UVRAG: variants seen among roughly 807,000 people sequenced by gnomAD.
UVRAG encodes UV radiation resistance-associated gene protein.
Under a neutral mutation model 78.0 loss-of-function variants are expected in UVRAG, and 19 were observed. That is an observed-to-expected ratio of 0.24 (90% CI 0.17 to 0.36). The LOEUF (loss-of-function observed/expected upper bound fraction) is 0.36, where lower values mean the gene tolerates loss of function less well. Ranked by LOEUF, UVRAG falls within the 10% of genes least tolerant of loss-of-function variation. The pLI, the probability that UVRAG is intolerant of heterozygous loss-of-function variation, is 1.00. For missense variants in UVRAG, 740 were observed against 853.8 expected, an observed-to-expected ratio of 0.87 and a Z score of 1.66; for synonymous variants, 323 against 324.6, an observed-to-expected ratio of 1.00 and a Z score of 0.05.
chr11:76,059,999 G>C (rs1281678335), intron 12 of UVRAG, among the ~76,000 whole-genome samples: 1 of 152,198 alleles, frequency 6.6e-6, no homozygotes, highest in South Asian at 2.1e-4. Context: ...TGGATGTGAG[G>C]CTCTGAAGGT....
chr11:76,038,146 G>A (rs1950573205), intron 12 of UVRAG, among the ~76,000 whole-genome samples: 1 of 152,102 alleles, frequency 6.6e-6, no homozygotes, highest in Admixed American at 6.6e-5. Flanking sequence ...TCACATTGCT[G>A]TTAAGCTTTC....
At chr11:75,912,170 C>T (rs1326469696) in intron 6 of UVRAG, 131 bp downstream of exon 6, 9 of 646,006 alleles carry the variant, frequency 1.4e-5, no homozygotes, top group Admixed American at 5.6e-5. Context: ...TTAGTGCAAG[C>T]GTCATAAATT....
intron 8 of UVRAG, among the ~76,000 whole-genome samples, chr11:75,989,741 T>C (rs947917703): frequency 4.6e-5 from 7 of 152,214 alleles, no homozygotes; most frequent in South Asian, 2.1e-4. Flanking sequence ...TCCTGCTCCT[T>C]CTTCTGTGTC....
Position 75,961,509 on chromosome 11 carries a change from T to C in UVRAG, c.659T>C (p.Ile220Thr). Residue 220 changes from isoleucine (I) to threonine (T), a missense_variant, in exon 7 of 15, where the codon ATT becomes ACT. Ile to Thr is a moderately conservative substitution (Grantham distance 89). Transcript: ENST00000356136. ...QVTVQKIGKE[I>T]EEKLRLTSTS... ...ACTGTTCAGAAAATTGGAAAGGAAA[T>C]TGAAGAAAAACTAAGACTCACATCT... The C allele has an allele frequency of 3.1e-6, 5 of 1,607,448 alleles. No homozygotes were observed. The highest frequency in any genetic ancestry group is 4.2e-6 in the Non-Finnish European group (5 of 1,178,544).
At chr11:75,836,388 C>T (rs1220039771) in intron 1 of UVRAG, among the ~76,000 whole-genome samples, 1 of 152,184 alleles carries the variant, frequency 6.6e-6, no homozygotes, top group Non-Finnish European at 1.5e-5. Flanking sequence ...CCCATGTTCA[C>T]ATTGTTAATA....
intron 1 of UVRAG, among the ~76,000 whole-genome samples, chr11:75,826,536 AGG>A (rs1945516733): frequency 6.6e-6 from 1 of 152,122 alleles, no homozygotes; most frequent in East Asian, 1.9e-4. Flanking sequence ...AATGGAGGAG[AGG>A]CTGTATTTTA....
At chr11:75,962,074 A>G (rs547313539) in intron 7 of UVRAG, among the ~76,000 whole-genome samples, 1 of 152,244 alleles carries the variant, frequency 6.6e-6, no homozygotes, top group East Asian at 1.9e-4. Flanking sequence ...TGGAGTGGAA[A>G]AATGTCTATT....
At chr11:75,908,444 G>T (rs1591003900) in intron 5 of UVRAG, among the ~76,000 whole-genome samples, 1 of 152,184 alleles carries the variant, frequency 6.6e-6, no homozygotes, top group East Asian at 1.9e-4. Flanking sequence ...CCCAGAAATA[G>T]TTGCCAGGTT....
At chr11:75,855,974 T>C (rs757859935) in intron 2 of UVRAG, among the ~76,000 whole-genome samples, 3 of 152,142 alleles carry the variant, frequency 2.0e-5, no homozygotes, top group Admixed American at 1.3e-4. Flanking sequence ...CTTGTTAAAA[T>C]TGGAAATTTT....
At chr11:75,828,759 A>G (rs1188431357) in intron 1 of UVRAG, among the ~76,000 whole-genome samples, 16,508 of 129,210 alleles carry the variant, frequency 0.13, 1,380 homozygotes, top group African/African-American at 0.22. Context: ...ACACACATAT[A>G]TATATATATA....
At chr11:75,830,269 C>G (rs1945624108) in intron 1 of UVRAG, among the ~76,000 whole-genome samples, 1 of 151,762 alleles carries the variant, frequency 6.6e-6, no homozygotes, top group Admixed American at 6.6e-5. Context: ...CTTCTTACAG[C>G]AAGTAAGTAT....
At chr11:76,076,835 A>ATTTATTTATTTATTT (rs1565150618) in intron 13 of UVRAG, among the ~76,000 whole-genome samples, 10 of 112,476 alleles carry the variant, frequency 8.9e-5, no homozygotes, top group African/African-American at 5.5e-4. Flanking sequence ...TTTATTTATT[A>ATTTATTTATTTATTT]GAGGCAGATG....
intron 12 of UVRAG, among the ~76,000 whole-genome samples, chr11:76,063,734 T>TA (rs1951135452): frequency 6.6e-6 from 1 of 152,204 alleles, no homozygotes; most frequent in Admixed American, 6.5e-5. Context: ...TTTGTGGTGT[T>TA]ATGGACCTGC....
chr11:76,069,325 GA>G (rs1426076227), intron 13 of UVRAG, among the ~76,000 whole-genome samples: 2 of 152,162 alleles, frequency 1.3e-5, no homozygotes, highest in African/African-American at 4.8e-5. Flanking sequence ...TAAGTACTGA[GA>G]GTGAGTGAAG....
intron 1 of UVRAG, among the ~76,000 whole-genome samples, chr11:75,849,657 A>G (rs1475090605): frequency 6.6e-6 from 1 of 152,252 alleles, no homozygotes; most frequent in African/African-American, 2.4e-5. Context: ...GTTTCTATCA[A>G]GCCTTTTAAT....
At chr11:75,866,647 A>C (rs1019484411) in intron 3 of UVRAG, among the ~76,000 whole-genome samples, 1 of 151,878 alleles carries the variant, frequency 6.6e-6, no homozygotes, top group African/African-American at 2.4e-5. Flanking sequence ...AGCTTTTTGT[A>C]TGGTTGTCTT....
chr11:75,863,892 T>C (rs530380335), intron 3 of UVRAG, among the ~76,000 whole-genome samples: 1 of 152,224 alleles, frequency 6.6e-6, no homozygotes, highest in Admixed American at 6.5e-5. Context: ...TCAAATCTCC[T>C]GGAGGTCACA....
In UVRAG at chr11:75,967,030, G is replaced by A. The variant is rs560824374; in HGVS notation, c.699+5481G>A. Among the ~76,000 whole-genome samples the A allele has an allele frequency of 2.6e-5, 4 of 152,254 alleles. No homozygotes were observed. In the South Asian group the frequency reaches 8.3e-4, roughly 32 times the overall value. ...GGAAGTTGACTTTCTGTTGGAGTTT[G>A]CAGCCACCCTCAGGGAAAAGCCACA... On this transcript the variant is annotated intron_variant, in intron 7 of 14. Transcript: ENST00000356136.
rs755489492 is a variant in UVRAG at position 75,951,874 on chromosome 11, T to C, written c.594-9570T>C. 3.4e-4 allele frequency among the ~76,000 whole-genome samples: 52 copies of C among 152,218 alleles called. 1 individual carries two copies. Among genetic ancestry groups the C allele is most frequent in the Non-Finnish European group, 2.4e-4 (16 of 68,032 alleles). ...TTTAAAAGCAGTTTGCCAATTTCTATTAAACAAAAATCTTTTGGGTTTTTG... is the reference window on the plus strand; with the variant it reads ...TTTAAAAGCAGTTTGCCAATTTCTACTAAACAAAAATCTTTTGGGTTTTTG... On this transcript the variant is annotated intron_variant, in intron 6 of 14. Coordinates refer to ENST00000356136, the MANE Select transcript of UVRAG (RefSeq NM_003369.4).
Sources: allele counts gnomAD v4.1 joint callset (sites outside exome capture counted in the v4.1 genomes callset), GRCh38; gene constraint gnomAD v4.1.1; transcripts MANE v1.5; gene names NCBI Gene and HGNC (gene_info 2026-07-23, HGNC 2026-07-21).